The following SPTBN2 variants were observed in gnomAD, a reference collection of about 807,000 sequenced individuals.
The protein encoded by SPTBN2 is spectrin beta chain, non-erythrocytic 2.
A neutral mutation model predicts 284.2 loss-of-function variants in SPTBN2; 107 were observed. The ratio of observed to expected loss-of-function variants is 0.38; its 90% CI spans 0.32 to 0.44. SPTBN2 has a LOEUF of 0.44. SPTBN2 is among the 20% of genes least tolerant of loss of function. SPTBN2 has a pLI of 1.00. For missense variants in SPTBN2, 2,569 were observed against 3,287.1 expected, an observed-to-expected ratio of 0.78 and a Z score of 5.34; for synonymous variants, 1,289 against 1,354.8, an observed-to-expected ratio of 0.95 and a Z score of 1.07.
intron 13 of SPTBN2, among the ~76,000 whole-genome samples, chr11:66,706,111 G>C (rs1941540527): frequency 6.6e-6 from 1 of 151,978 alleles, no homozygotes; most frequent in Admixed American, 6.6e-5. Context: ...ACACCCTCCT[G>C]CCGCCACCGC....
chr11:66,744,546 A>C (rs1942941659), exon 1 of SPTBN2: 1 of 201,466 alleles, frequency 5.0e-6, no homozygotes, highest in East Asian at 1.3e-4. Flanking sequence ...GCTCACCTCC[A>C]GCCTTGGCCG....
chr11:66,708,795 T>G lies in SPTBN2; in HGVS notation c.1191+107A>C. ...TCGAGTTTCAAGTTGGGGCAGCAGA[T>G]AGTAGAACTTGGTGAAGGTCGACAT... is the stretch of plus-strand genomic sequence containing the variant. On this transcript the variant is annotated intron_variant, in intron 11 of 37. Coordinates refer to ENST00000533211, the MANE Select transcript of SPTBN2 (RefSeq NM_006946.4). This position sits in a 1 kb window ranked among gnomAD's most constrained non-coding sequence, Gnocchi z 4.4. 1 of 882,432 alleles carries G rather than the reference T, an allele frequency of 1.1e-6. No homozygotes were observed. Among genetic ancestry groups the G allele is most frequent in the Non-Finnish European group, 1.9e-6 (1 of 538,872 alleles). The allele number at this position is 882,432 out of a possible 1,614,324, so 54.7% of individuals were successfully genotyped here. A position where few individuals can be genotyped will look rare whatever the true frequency, so the allele number is the denominator to read the frequency against.
rs193290596 is a variant in SPTBN2 at position 66,693,951 on chromosome 11, C to T, written c.4504-90G>A. 2.5e-5 allele frequency: 35 copies of T among 1,376,442 alleles called. No individual in the cohort carries two copies. Among genetic ancestry groups the T allele is most frequent in the Admixed American group, 1.7e-4 (9 of 51,634 alleles). 85.3% of individuals were successfully genotyped at this position (1,376,442 alleles called of 1,614,324 possible). A position where few individuals can be genotyped will look rare whatever the true frequency, so the allele number is the denominator to read the frequency against. ...TGGGAGTGGGGACACCTGGGGCTACCGCCCTGTGTGTGGGGAACAGTCATC... is the reference window on the plus strand; with the variant it reads ...TGGGAGTGGGGACACCTGGGGCTACTGCCCTGTGTGTGGGGAACAGTCATC... On this transcript the variant is annotated intron_variant, in intron 22 of 37. Transcript: ENST00000533211. The surrounding 1 kb of genome is among the most constrained non-coding windows in gnomAD (Gnocchi z 5.7).
rs367736142 is a variant in SPTBN2, at chr11:66,700,655, C to T, written c.3444G>A (p.Glu1148=). 1.2e-6 allele frequency: 2 copies of T among 1,607,680 alleles called. No individual in the cohort carries two copies. The highest frequency in any genetic ancestry group is 1.7e-6 in the Non-Finnish European group (2 of 1,179,936). The change falls in exon 17 of 38, where the codon GAG becomes GAA. Residue 1148 remains glutamate (E), a synonymous_variant. Coordinates refer to ENST00000533211, the MANE Select transcript of SPTBN2 (RefSeq NM_006946.4). This position sits in a 1 kb window ranked among gnomAD's most constrained non-coding sequence, Gnocchi z 6.6. ...GCTCCTCCCAGCCAGTTCCCAGGGC[C>T]TCCAGTCGCTGTCGTAGGAAGAGGC... is the stretch of plus-strand genomic sequence containing the variant. ...PQCLFLRQRL[E]ALGTGWEELG... is the part of the protein sequence containing the mutation.
intron 15 of SPTBN2, among the ~76,000 whole-genome samples, chr11:66,702,416 T>C (rs1197244204): frequency 6.6e-6 from 1 of 152,084 alleles, no homozygotes; most frequent in African/African-American, 2.4e-5. Flanking sequence ...CCACCCGCCT[T>C]GGCCTCCCAA....
intron 29 of SPTBN2, 99 bp from the exon 30 acceptor site, chr11:66,689,279 CTTTCT>C: frequency 2.4e-5 from 32 of 1,334,818 alleles, no homozygotes; most frequent in Middle Eastern, 1.8e-4. Flanking sequence ...TTCTTTCTTT[CTTTCT>C]TTTTTTTGAG....
chr11:66,683,951 A>G lies in SPTBN2; in HGVS notation c.*1920T>C, dbSNP rs1260047650. 6.6e-6 allele frequency among the ~76,000 whole-genome samples: 1 copy of G among 152,244 alleles called. No individual in the cohort carries two copies. Among genetic ancestry groups the G allele is most frequent in the Non-Finnish European group, 1.5e-5 (1 of 68,048 alleles). The stretch of plus-strand genomic sequence containing the variant: ...ACTTAGTCCCATGACAGATTGTTCT[A>G]GTTACGCGTATCCACCTGTTGGCTG... On this transcript the variant is annotated 3_prime_UTR_variant, in exon 38 of 38. Transcript: ENST00000533211.
rs1266351989 is a variant in SPTBN2, at chr11:66,690,134, G to A, written c.5715C>T (p.Asp1905=). ...TGAAGAAGCGGAACTTGTCTGTGGTGTCCAGCAGCAGCTGCCGGCGGGCGG... is the reference window on the plus strand; with the variant it reads ...TGAAGAAGCGGAACTTGTCTGTGGTATCCAGCAGCAGCTGCCGGCGGGCGG... The part of the protein sequence containing the change: ...SSAARRQLLL[D]TTDKFRFFKA... The change falls in exon 28 of 38, where the codon GAC becomes GAT. Residue 1905 remains aspartate (D), a synonymous_variant. Transcript: ENST00000533211. The A allele has an allele frequency of 2.5e-6, 4 of 1,614,120 alleles. No individual in the cohort carries two copies. The highest frequency in any genetic ancestry group is 2.7e-5 in the African/African-American group (2 of 74,948).
chr11:66,716,139 G>A (rs957636625), intron 3 of SPTBN2, among the ~76,000 whole-genome samples, 158 bp from the exon 4 acceptor site: 1 of 152,156 alleles, frequency 6.6e-6, no homozygotes, highest in Non-Finnish European at 1.5e-5. Context: ...AGGAAAGCCC[G>A]TAACTTGCAA....
chr11:66,721,406 GC>G lies in SPTBN2; in HGVS notation c.-80del. 3 of 923,228 alleles carry G rather than the reference GC, an allele frequency of 3.2e-6. No homozygotes were observed. The highest frequency in any genetic ancestry group is 1.4e-5 in the South Asian group (1 of 72,262). The allele number at this position is 923,228 out of a possible 1,614,324, so 57.2% of individuals were successfully genotyped here. The stretch of plus-strand genomic sequence containing the variant: ...GCGGTTGGCTGCTCAGTGGAAATCA[GC>G]CCCCAGGGGAAGAGGGGAAGCCACC... On this transcript the variant is annotated 5_prime_UTR_variant, in exon 2 of 38. The change abolishes the stop of an existing upstream ORF in the 5' untranslated region. Coordinates refer to ENST00000533211, the MANE Select transcript of SPTBN2 (RefSeq NM_006946.4).
chr11:66,701,428 ATC>A (rs1295382643), intron 16 of SPTBN2, 146 bp from the exon 17 acceptor site: 20 of 1,493,346 alleles, frequency 1.3e-5, no homozygotes, highest in Non-Finnish European at 1.6e-5. Flanking sequence ...CCCCTCTCTC[ATC>A]TCTTTCATCC....
intron 19 of SPTBN2, 79 bp downstream of exon 19, chr11:66,698,913 A>G: frequency 6.2e-7 from 1 of 1,603,374 alleles, no homozygotes; most frequent in African/African-American, 1.3e-5. Context: ...AGTCTCCGGT[A>G]CCTTGTGCTG....
At chr11:66,698,837 TA>T in intron 19 of SPTBN2, 52 bp from the exon 20 acceptor site, 1 of 1,609,886 alleles carries the variant, frequency 6.2e-7, no homozygotes, top group Non-Finnish European at 8.5e-7. Flanking sequence ...GAGGGGGGCA[TA>T]AAAGCAGGGC....
chr11:66,685,768 C>T lies in SPTBN2; in HGVS notation c.*103G>A. The T allele has an allele frequency of 8.8e-7, 1 of 1,134,232 alleles. No individual in the cohort carries two copies. Among genetic ancestry groups the T allele is most frequent in the South Asian group, 1.3e-5 (1 of 79,646 alleles). The allele number at this position is 1,134,232 out of a possible 1,614,324, so 70.3% of individuals were successfully genotyped here. A position where few individuals can be genotyped will look rare whatever the true frequency, so the allele number is the denominator to read the frequency against. On this transcript the variant is annotated 3_prime_UTR_variant, in exon 38 of 38. Transcript: ENST00000533211. This position sits in a 1 kb window ranked among gnomAD's most constrained non-coding sequence, Gnocchi z 4.4. Reference sequence around the variant, plus strand: ...TGATGGGTTGACCTTGGCAACAGACCCTAGCAGCAGGCAGTTGTCCTGACA... The same window carrying T: ...TGATGGGTTGACCTTGGCAACAGACTCTAGCAGCAGGCAGTTGTCCTGACA...
chr11:66,701,358 C>T (rs1941237404), intron 16 of SPTBN2, 76 bp from the exon 17 acceptor site: 1 of 1,571,614 alleles, frequency 6.4e-7, no homozygotes, highest in Non-Finnish European at 8.6e-7. Context: ...TTCTCTCTCT[C>T]TTGGTAGCTC....
At position 66,688,053 on chromosome 11, in the gene SPTBN2, G is replaced by C; in HGVS notation, c.6401C>G (p.Thr2134Arg). 6.2e-7 allele frequency: 1 copy of C among 1,614,188 alleles called. No homozygotes were observed. The highest frequency in any genetic ancestry group is 1.3e-5 in the African/African-American group (1 of 75,062). The change falls in exon 33 of 38, where the codon ACA becomes AGA. Residue 2134 changes from threonine to arginine, a missense_variant. Physicochemically the swap from Thr to Arg is moderately conservative, Grantham distance 71. Coordinates refer to ENST00000533211, the MANE Select transcript of SPTBN2 (RefSeq NM_006946.4). ...DGTQPRPPPS[T>R]QAPSVNGVCT... ...GACTCCATTAACACTGGGTGCTTGT[G>C]TGGATGGTGGTGGCCGTGGCTGGGT...
chr11:66,697,410 A>G (rs767000625), intron 20 of SPTBN2, among the ~76,000 whole-genome samples: 3 of 152,094 alleles, frequency 2.0e-5, no homozygotes, highest in African/African-American at 4.8e-5. Flanking sequence ...CCTGAGCACA[A>G]TCAACACTTG....
chr11:66,689,723 T>C (rs1940404040), intron 29 of SPTBN2, 82 bp downstream of exon 29: 9 of 1,589,136 alleles, frequency 5.7e-6, no homozygotes, highest in African/African-American at 1.3e-5. Flanking sequence ...AAAGAGAGAA[T>C]GAGAGGAAGC....
intron 29 of SPTBN2, among the ~76,000 whole-genome samples, 167 bp downstream of exon 29, chr11:66,689,638 G>A (rs992698890): frequency 2.6e-5 from 4 of 152,202 alleles, no homozygotes; most frequent in Non-Finnish European, 2.9e-5. Flanking sequence ...AGAGGCAGAC[G>A]GTTCTGGGGA....
Sources: gnomAD v4.1 joint callset for allele counts (sites outside exome capture counted in the v4.1 genomes callset) on GRCh38, gnomAD v4.1.1 for gene constraint, Gnocchi (gnomAD v3.1) non-coding constraint, MANE v1.5 for transcripts, NCBI Gene and HGNC (gene_info 2026-07-23, HGNC 2026-07-21) for gene names.